WFS1: variants seen among roughly 807,000 people sequenced by gnomAD.
The protein encoded by WFS1 is wolframin ER transmembrane glycoprotein.
In WFS1, 90 loss-of-function variants were observed where a neutral mutation model predicts 68.5. The observed-to-expected ratio is 1.31, with a 90% CI of 1.11 to 1.56. WFS1 has a LOEUF of 1.56. Ranked by LOEUF, WFS1 falls within the 40% of genes most tolerant of loss-of-function variation. WFS1 has a pLI of 0.00. For missense variants in WFS1, 1,767 were observed against 1,232.6 expected (o/e 1.43, Z -6.49); for synonymous variants, 860 against 540.7 (o/e 1.59, Z -8.19).
rs1423472847 is a variant in WFS1, at chr4:6,283,816, A to G, written c.233-3277A>G. On this transcript the variant is annotated intron_variant, in intron 2 of 7. Transcript: ENST00000226760. This position sits in a 1 kb window ranked among gnomAD's most constrained non-coding sequence, Gnocchi z 5.0. The stretch of plus-strand genomic sequence containing the variant: ...AGTGGCGGGGTTCCCCAAAAGGGAC[A>G]TCAAGGTGCAGTCATCAGAAAAAGC... Among the ~76,000 whole-genome samples the G allele has an allele frequency of 1.3e-5, 2 of 152,076 alleles. No individual in the cohort carries two copies. The highest frequency in any genetic ancestry group is 2.9e-5 in the Non-Finnish European group (2 of 68,024).
In WFS1 at chr4:6,302,183, C is replaced by T. The variant is rs71532868; in HGVS notation, c.2388C>T (p.Asp796=). The change falls in exon 8 of 8, where the codon GAC becomes GAT. Residue 796 remains aspartate (D), a synonymous_variant. Coordinates refer to ENST00000226760, the MANE Select transcript of WFS1 (RefSeq NM_006005.3). ...GADGSRSREE[D]DVTKDIVLRA... ...ACGGCTCGCGCAGCCGCGAGGAGGACGACGTCACCAAGGACATCGTGCTGC... is the reference window on the plus strand; with the variant it reads ...ACGGCTCGCGCAGCCGCGAGGAGGATGACGTCACCAAGGACATCGTGCTGC... The T allele has an allele frequency of 1.7e-5, 28 of 1,612,350 alleles. No homozygotes were observed. The highest frequency in any genetic ancestry group is 1.6e-4 in the Middle Eastern group (1 of 6,084).
chr4:6,296,221 G>C (rs953894409), intron 7 of WFS1, among the ~76,000 whole-genome samples: 3 of 152,204 alleles, frequency 2.0e-5, no homozygotes, highest in Non-Finnish European at 2.9e-5. Context: ...CCTCCGGTGG[G>C]GGGGAAGAGC....
At position 6,294,476 on chromosome 4, in the gene WFS1, T is replaced by C. The variant is rs1228898881; in HGVS notation, c.713-565T>C. Among the ~76,000 whole-genome samples the C allele has an allele frequency of 5.0e-5, 5 of 100,026 alleles. No individual in the cohort carries two copies. In the East Asian group the frequency reaches 7.7e-3, roughly 155 times the overall value. The allele number at this position is 100,026 out of a possible 152,430, so 65.6% of individuals were successfully genotyped here. On this transcript the variant is annotated intron_variant, in intron 6 of 7. Transcript: ENST00000226760. Reference sequence around the variant, plus strand: ...ATGGCAGACACTTGTTGGATGGAGGTGTCAGCAGGCACATAGTAGGTGTGT... The same window carrying C: ...ATGGCAGACACTTGTTGGATGGAGGCGTCAGCAGGCACATAGTAGGTGTGT...
intron 4 of WFS1, among the ~76,000 whole-genome samples, chr4:6,289,635 C>T (rs1730408393): frequency 6.6e-6 from 1 of 152,096 alleles, no homozygotes; most frequent in Non-Finnish European, 1.5e-5. Flanking sequence ...AACAGAGAGG[C>T]AGGGGAGGAA....
rs71524359 is a variant in WFS1, at chr4:6,301,508, C to G, written c.1713C>G (p.Pro571=). 1.2e-6 allele frequency: 2 copies of G among 1,613,652 alleles called. No homozygotes were observed. The highest frequency in any genetic ancestry group is 1.7e-6 in the Non-Finnish European group (2 of 1,179,930). Residue 571 remains proline, a synonymous_variant, in exon 8 of 8, where the codon CCC becomes CCG. Coordinates refer to ENST00000226760, the MANE Select transcript of WFS1 (RefSeq NM_006005.3). ...ACTTCCTCTTCCTCTTTGCCCTCCC[C>G]ATCCTGGTGGCCGGCCTGGCCCTGG... is the stretch of plus-strand genomic sequence containing the variant. The part of the protein sequence containing the change: ...IGYFLFLFAL[P]ILVAGLALVG...
intron 7 of WFS1, among the ~76,000 whole-genome samples, chr4:6,297,432 C>A (rs915107973): frequency 3.3e-5 from 5 of 152,218 alleles, no homozygotes; most frequent in Admixed American, 2.0e-4. Flanking sequence ...ACACAGTTCT[C>A]TTCTGGAGCC....
At position 6,287,266 on chromosome 4, in the gene WFS1, G is replaced by A. The variant is rs973358267; in HGVS notation, c.315+91G>A. On this transcript the variant is annotated intron_variant, in intron 3 of 7. Coordinates refer to ENST00000226760, the MANE Select transcript of WFS1 (RefSeq NM_006005.3). The surrounding 1 kb of genome is among the most constrained non-coding windows in gnomAD (Gnocchi z 6.4). ...GCTCCACAGCCCACAGAGAAGTGTC[G>A]GTGCCTGAGATCGGGGTCAGGAGCC... is the stretch of plus-strand genomic sequence containing the variant. 18 of 1,215,484 alleles carry A rather than the reference G, an allele frequency of 1.5e-5. No individual in the cohort carries two copies. Among genetic ancestry groups the A allele is most frequent in the African/African-American group, 1.2e-4 (8 of 66,360 alleles). The allele number at this position is 1,215,484 out of a possible 1,614,324, so 75.3% of individuals were successfully genotyped here. A position where few individuals can be genotyped will look rare whatever the true frequency, so the allele number is the denominator to read the frequency against.
At chr4:6,291,508 G>C in intron 5 of WFS1, 141 bp downstream of exon 5, 1 of 1,212,150 alleles carries the variant, frequency 8.2e-7, no homozygotes, top group Non-Finnish European at 1.2e-6. Flanking sequence ...GTGAGGACAG[G>C]GCCCTTCCTT....
At chr4:6,292,147 G>T in intron 6 of WFS1, 150 bp downstream of exon 6, 1 of 823,580 alleles carries the variant, frequency 1.2e-6, no homozygotes, top group Middle Eastern at 3.4e-4. Context: ...CTTCCTGTGC[G>T]ACCCCATCCT....
intron 7 of WFS1, among the ~76,000 whole-genome samples, chr4:6,299,965 G>A (rs1324298126): frequency 1.3e-5 from 2 of 149,610 alleles, no homozygotes; most frequent in Non-Finnish European, 2.9e-5. Context: ...TTGCGTGTGT[G>A]TGTGTGCACG....
intron 6 of WFS1, chr4:6,294,717 G>A: frequency 2.1e-5 from 8 of 389,236 alleles, no homozygotes; most frequent in South Asian, 1.7e-4. Flanking sequence ...GTAAGGCTTG[G>A]CAGGTGAACT....
At chr4:6,286,917 CAG>C (rs1401448428) in intron 2 of WFS1, among the ~76,000 whole-genome samples, 174 bp from the exon 3 acceptor site, 1 of 152,218 alleles carries the variant, frequency 6.6e-6, no homozygotes, top group Non-Finnish European at 1.5e-5. Context: ...GGAAGGCAAA[CAG>C]TGGCTTTCTG....
In WFS1 at chr4:6,291,989, G is replaced by C; in HGVS notation, c.704G>C (p.Ser235Thr). 1 of 1,607,794 alleles carries C rather than the reference G, an allele frequency of 6.2e-7. No individual in the cohort carries two copies. Among genetic ancestry groups the C allele is most frequent in the Non-Finnish European group, 8.5e-7 (1 of 1,178,182 alleles). Residue 235 changes from serine (S) to threonine (T), a missense_variant, in exon 6 of 8, where the codon AGC becomes ACC. Physicochemically the swap from Ser to Thr is moderately conservative, Grantham distance 58. Transcript: ENST00000226760. ...KQRRMLERLV[S>T]SESKNYIALD... is the part of the protein sequence containing the mutation. ...AGGCGCATGCTGGAGCGCCTGGTCA[G>C]CAGCGAGTGTGAGTGCAGCCCCTGC...
intron 7 of WFS1, 102 bp from the exon 8 acceptor site, chr4:6,300,555 G>A (rs775449928): frequency 3.2e-5 from 49 of 1,550,210 alleles, no homozygotes; most frequent in African/African-American, 1.2e-4. Context: ...GCAAGGGTGC[G>A]GGTTCCTTTT....
Position 6,289,129 on chromosome 4 carries a change from G to T in WFS1, c.458G>T (p.Arg153Ile), listed in dbSNP as rs1453634621. Residue 153 changes from arginine to isoleucine, a missense_variant and splice_region_variant, in exon 4 of 8, where the codon AGA becomes ATA. Arg to Ile is a moderately conservative substitution (Grantham distance 97). Transcript: ENST00000226760. Reference sequence around the variant, plus strand: ...CTTCGCCGGTGCTTGGCGGACAGAAGAGGTGGGTCTGTGTGAGGCTTAGAA... The same window carrying T: ...CTTCGCCGGTGCTTGGCGGACAGAATAGGTGGGTCTGTGTGAGGCTTAGAA... Reference protein sequence around the residue: ...KLLRRCLADRRGITSENEREV... With the variant: ...KLLRRCLADRIGITSENEREV... 3.2e-6 allele frequency: 5 copies of T among 1,576,432 alleles called. No individual in the cohort carries two copies. Among genetic ancestry groups the T allele is most frequent in the Non-Finnish European group, 4.3e-6 (5 of 1,161,472 alleles).
At chr4:6,285,816 G>C (rs184961932) in intron 2 of WFS1, among the ~76,000 whole-genome samples, 1 of 152,264 alleles carries the variant, frequency 6.6e-6, no homozygotes, top group South Asian at 2.1e-4. Context: ...CTGGTCCTCA[G>C]TGTGGTGTTA....
At chr4:6,271,549 A>G (rs1729838566) in intron 1 of WFS1, among the ~76,000 whole-genome samples, 1 of 152,082 alleles carries the variant, frequency 6.6e-6, no homozygotes, top group Admixed American at 6.5e-5. Context: ...TTATGCCTAC[A>G]CGGCTCCCCT....
chr4:6,288,778 C>T (rs1730382049), intron 3 of WFS1: 3 of 700,836 alleles, frequency 4.3e-6, no homozygotes, highest in East Asian at 5.6e-5. Flanking sequence ...ATGGGGTGGC[C>T]ACACCTTCCT....
At position 6,300,858 on chromosome 4, in the gene WFS1, A is replaced by C. The variant is rs1730861293; in HGVS notation, c.1063A>C (p.Ile355Leu). Reference protein sequence around the residue: ...IPLVIFYLSFISMVICTLKVF... With the variant: ...IPLVIFYLSFLSMVICTLKVF... ...GCTGGTCATCTTCTACCTGTCCTTC[A>C]TCTCCATGGTGATCTGCACCCTCAA... is the stretch of plus-strand genomic sequence containing the variant. The change falls in exon 8 of 8, where the codon ATC becomes CTC. Residue 355 changes from isoleucine to leucine, a missense_variant. Coordinates refer to ENST00000226760, the MANE Select transcript of WFS1 (RefSeq NM_006005.3). 3.1e-6 allele frequency: 5 copies of C among 1,613,996 alleles called. No individual in the cohort carries two copies. Among genetic ancestry groups the C allele is most frequent in the Non-Finnish European group, 3.4e-6 (4 of 1,180,016 alleles).
Sources: gnomAD v4.1 joint callset for allele counts (sites outside exome capture counted in the v4.1 genomes callset) on GRCh38, gnomAD v4.1.1 for gene constraint, Gnocchi (gnomAD v3.1) non-coding constraint, MANE v1.5 for transcripts, NCBI Gene and HGNC (gene_info 2026-07-23, HGNC 2026-07-21) for gene names.